Variants in SLC25A21 observed in about 807,000 individuals in gnomAD.
SLC25A21 encodes the protein mitochondrial 2-oxodicarboxylate carrier.
Under a neutral mutation model 43.8 loss-of-function variants are expected in SLC25A21, and 47 were observed. The observed-to-expected ratio is 1.07, with a 90% CI of 0.85 to 1.37. The LOEUF is 1.37. Ranked by LOEUF, SLC25A21 falls within the 40% of genes most tolerant of loss-of-function variation. The probability of loss-of-function intolerance (pLI) is 0.00; values close to 1 mark genes in which losing one functional copy is unlikely to be tolerated. For missense variants in SLC25A21, 352 were observed against 350.2 expected (o/e 1.00, Z -0.04); for synonymous variants, 131 against 121.3 (o/e 1.08, Z -0.52).
intron 2 of SLC25A21, among the ~76,000 whole-genome samples, chr14:36,851,019 G>C (rs542654972): frequency 6.6e-6 from 1 of 152,168 alleles, no homozygotes; most frequent in Non-Finnish European, 1.5e-5. Flanking sequence ...CTGTTTAAGC[G>C]ATACAATTCA....
chr14:37,128,064 T>C (rs1014641331), intron 1 of SLC25A21, among the ~76,000 whole-genome samples: 1 of 152,234 alleles, frequency 6.6e-6, no homozygotes, highest in South Asian at 2.1e-4. Flanking sequence ...CTTTTGTTTA[T>C]TGTGTGGTAA....
intron 1 of SLC25A21, among the ~76,000 whole-genome samples, chr14:36,921,179 T>C (rs1046762392): frequency 6.6e-6 from 1 of 152,086 alleles, no homozygotes; most frequent in African/African-American, 2.4e-5. Context: ...TGTGGCCCAA[T>C]GAACTTTGCC....
chr14:37,065,468 A>G (rs1262577633), intron 1 of SLC25A21, among the ~76,000 whole-genome samples: 1 of 152,204 alleles, frequency 6.6e-6, no homozygotes, highest in Non-Finnish European at 1.5e-5. Context: ...CTGAGAAGAA[A>G]CCAACATCAA....
chr14:36,879,937 G>T (rs954009288), intron 1 of SLC25A21, among the ~76,000 whole-genome samples: 4 of 151,880 alleles, frequency 2.6e-5, no homozygotes, highest in Admixed American at 2.6e-4. Flanking sequence ...TTTTTCTTCC[G>T]TAAGGACACA....
chr14:36,725,812 T>C (rs1356510368), intron 5 of SLC25A21, 135 bp from the exon 6 acceptor site: 1 of 395,662 alleles, frequency 2.5e-6, no homozygotes, highest in East Asian at 4.1e-5. Context: ...CATATTCCAT[T>C]ACTAAACAGC....
rs199607689 is a variant in SLC25A21, at chr14:36,680,005, T to C, written c.*653A>G. 5.1e-5 allele frequency: 43 copies of C among 845,468 alleles called. No individual in the cohort carries two copies. Among genetic ancestry groups the C allele is most frequent in the East Asian group, 1.3e-4 (1 of 7,962 alleles). 52.4% of individuals were successfully genotyped at this position (845,468 alleles called of 1,614,324 possible). On this transcript the variant is annotated 3_prime_UTR_variant, in exon 10 of 10. Transcript: ENST00000331299. ...ACAATGTTTTAAAATACCTATTTAT[T>C]ATCTTACAGCAATATGAGATATAAA...
At chr14:37,032,975 T>C (rs1203155865) in intron 1 of SLC25A21, among the ~76,000 whole-genome samples, 1 of 152,144 alleles carries the variant, frequency 6.6e-6, no homozygotes, top group African/African-American at 2.4e-5. Context: ...AAAATTGTTA[T>C]TAAAAAAGAA....
At chr14:36,938,748 T>A (rs1892486808) in intron 1 of SLC25A21, among the ~76,000 whole-genome samples, 1 of 151,630 alleles carries the variant, frequency 6.6e-6, no homozygotes, top group African/African-American at 2.4e-5. Flanking sequence ...CTCATAAACT[T>A]CCCAACAGAA....
intron 2 of SLC25A21, among the ~76,000 whole-genome samples, chr14:36,836,020 C>G (rs945298261): frequency 8.5e-5 from 13 of 152,230 alleles, no homozygotes; most frequent in Non-Finnish European, 1.8e-4. Context: ...CTACTATTGT[C>G]AAAACTGAAT....
chr14:36,840,386 T>G (rs1889348462), intron 2 of SLC25A21, among the ~76,000 whole-genome samples: 1 of 152,206 alleles, frequency 6.6e-6, no homozygotes, highest in African/African-American at 2.4e-5. Flanking sequence ...TTGAATGAAT[T>G]GTTTCTGCAG....
intron 1 of SLC25A21, among the ~76,000 whole-genome samples, chr14:37,089,142 C>T (rs1341422557): frequency 6.6e-6 from 1 of 151,940 alleles, no homozygotes; most frequent in Admixed American, 6.6e-5. Context: ...CCATCTCTTC[C>T]TGTGGTATTT....
chr14:37,051,428 A>G (rs767255078), intron 1 of SLC25A21, among the ~76,000 whole-genome samples: 4 of 152,222 alleles, frequency 2.6e-5, no homozygotes, highest in Non-Finnish European at 4.4e-5. Flanking sequence ...CAATACTAGA[A>G]ATAGCCTATC....
intron 9 of SLC25A21, 128 bp from the exon 10 acceptor site, chr14:36,680,847 T>C (rs1317132754): frequency 1.6e-6 from 1 of 629,964 alleles, no homozygotes; most frequent in African/African-American, 1.9e-5. Context: ...TCAACAGTTC[T>C]GGAGCTTCAA....
At chr14:36,983,246 C>G (rs1186796054) in intron 1 of SLC25A21, among the ~76,000 whole-genome samples, 1 of 152,210 alleles carries the variant, frequency 6.6e-6, no homozygotes, top group Non-Finnish European at 1.5e-5. Context: ...GGTTCACTCT[C>G]AGAGCACTGC....
chr14:37,072,363 T>C (rs1962191340), intron 1 of SLC25A21, among the ~76,000 whole-genome samples: 2 of 152,100 alleles, frequency 1.3e-5, no homozygotes, highest in South Asian at 4.1e-4. Context: ...TCAGTGAATG[T>C]TGGGAAACTG....
intron 1 of SLC25A21, among the ~76,000 whole-genome samples, chr14:36,963,766 C>T (rs529381359): frequency 2.6e-4 from 39 of 152,236 alleles, no homozygotes; most frequent in East Asian, 9.7e-4. Flanking sequence ...AGTGACCCCT[C>T]GTTACCCTGC....
intron 3 of SLC25A21, among the ~76,000 whole-genome samples, chr14:36,789,343 T>C (rs895659987): frequency 1.3e-5 from 2 of 151,748 alleles, no homozygotes; most frequent in Non-Finnish European, 2.9e-5. Context: ...AAATAAAAAC[T>C]GGTATCTTCA....
chr14:37,115,059 A>G (rs1453518652), intron 1 of SLC25A21, among the ~76,000 whole-genome samples: 1 of 152,210 alleles, frequency 6.6e-6, no homozygotes, highest in Non-Finnish European at 1.5e-5. Flanking sequence ...GGATGGCCAG[A>G]TAACAGAATA....
chr14:37,078,220 AG>A, intron 1 of SLC25A21, among the ~76,000 whole-genome samples: 1 of 152,180 alleles, frequency 6.6e-6, no homozygotes, highest in East Asian at 1.9e-4. Flanking sequence ...GAGGAAAAAA[AG>A]AAAAATATAG....
Sources: allele counts gnomAD v4.1 joint callset (sites outside exome capture counted in the v4.1 genomes callset), GRCh38; gene constraint gnomAD v4.1.1; transcripts MANE v1.5; gene names NCBI Gene and HGNC (gene_info 2026-07-23, HGNC 2026-07-21).